Variants in CCDC149 observed in about 807,000 individuals in gnomAD.
The protein encoded by CCDC149 is coiled-coil domain-containing protein 149.
A neutral mutation model predicts 59.9 loss-of-function variants in CCDC149; 45 were observed. The observed-to-expected ratio is 0.75, with a 90% confidence interval of 0.59 to 0.96. The LOEUF (loss-of-function observed/expected upper bound fraction) is 0.96. CCDC149 is among the 40% of genes least tolerant of loss of function. The pLI is 0.00. For synonymous variants in CCDC149, 245 were observed against 260.6 expected (o/e 0.94, Z 0.58); for missense variants, 584 against 664.7 (o/e 0.88, Z 1.33).
rs377716475 is a variant in CCDC149, at chr4:24,921,659, G to A, written c.-64-26541C>T. ...AATGTACCTGCCATCACCCGCCAGC[G>A]CCCACATGTGGGAATGGCAGCCTCT... On this transcript the variant is annotated intron_variant, in intron 1 of 12. Transcript: ENST00000389609. Among the ~76,000 whole-genome samples the A allele has an allele frequency of 8.4e-4, 128 of 152,326 alleles. 1 individual carries two copies. In the South Asian group the frequency reaches 0.02, roughly 23 times the overall value.
At chr4:24,952,595 C>T (rs138023014) in intron 1 of CCDC149, among the ~76,000 whole-genome samples, 460 of 41,356 alleles carry the variant, frequency 0.011, 11 homozygotes, top group East Asian at 0.056. Context: ...AACTCCATCT[C>T]AAAAAAAAAA....
chr4:24,855,205 G>T (rs6812368), intron 3 of CCDC149, among the ~76,000 whole-genome samples: 6,817 of 152,144 alleles, frequency 0.045, 372 homozygotes, highest in East Asian at 0.2. Context: ...CCCTAGGAGA[G>T]ATCAGGAATA....
chr4:24,914,400 A>AG (rs1482642854), upstream of CCDC149, among the ~76,000 whole-genome samples: 1 of 151,910 alleles, frequency 6.6e-6, no homozygotes, highest in South Asian at 2.1e-4. Context: ...AAAAAAAAAA[A>AG]AAAAGAAAAA....
chr4:24,939,765 C>T (rs938867499), intron 1 of CCDC149, among the ~76,000 whole-genome samples: 4 of 152,104 alleles, frequency 2.6e-5, no homozygotes, highest in South Asian at 2.1e-4. Context: ...CCTCAGTAAC[C>T]GATGCGATCA....
At chr4:24,865,638 G>A (rs1004989932) in intron 3 of CCDC149, among the ~76,000 whole-genome samples, 36 of 152,244 alleles carry the variant, frequency 2.4e-4, no homozygotes, top group Non-Finnish European at 7.3e-5. Flanking sequence ...GTGAATGAAT[G>A]CATTTCCAGG....
At chr4:24,910,950 G>T (rs1443078397) in intron 1 of CCDC149, among the ~76,000 whole-genome samples, 1 of 152,148 alleles carries the variant, frequency 6.6e-6, no homozygotes, top group Non-Finnish European at 1.5e-5. Context: ...AAGTAAGTTA[G>T]ACCCATTTTC....
rs146425617 is a variant in CCDC149, at chr4:24,884,776, G to C, written c.64-8079C>G. On this transcript the variant is annotated intron_variant, in intron 1 of 12. Coordinates refer to ENST00000635206, the MANE Select transcript of CCDC149 (RefSeq NM_001330643.2). The stretch of plus-strand genomic sequence containing the variant: ...GGGTTGGTATGAGAATTAAGAGTTA[G>C]TATATGTAAAACATTTAAAACAGTG... Among the ~76,000 whole-genome samples the C allele has an allele frequency of 9.9e-5, 15 of 152,282 alleles. 1 individual carries two copies. The East Asian group carries it at 2.9e-3, about 29-fold the overall frequency.
At chr4:24,957,895 G>A (rs1723513622) in intron 1 of CCDC149, among the ~76,000 whole-genome samples, 1 of 152,198 alleles carries the variant, frequency 6.6e-6, no homozygotes, top group African/African-American at 2.4e-5. Context: ...GGTCTAGGAA[G>A]GATGTGGGTG....
At chr4:24,838,037 T>C (rs1331375643) in intron 5 of CCDC149, 119 bp downstream of exon 5, 3 of 822,472 alleles carry the variant, frequency 3.6e-6, no homozygotes, top group East Asian at 2.4e-5. Context: ...AGTAAAAGCA[T>C]TCAACGTGCA....
chr4:24,931,333 C>A (rs553754431), intron 1 of CCDC149, among the ~76,000 whole-genome samples: 17 of 103,640 alleles, frequency 1.6e-4, no homozygotes, highest in Non-Finnish European at 2.3e-4. Flanking sequence ...ATATATATAT[C>A]TCAGTACAGG....
chr4:24,848,647 A>C (rs980969494), intron 4 of CCDC149, among the ~76,000 whole-genome samples: 13 of 152,192 alleles, frequency 8.5e-5, no homozygotes, highest in Non-Finnish European at 1.2e-4. Flanking sequence ...CAACTTGGAC[A>C]TGCCAAAGAG....
At chr4:24,878,286 C>G (rs1286331523) in intron 1 of CCDC149, among the ~76,000 whole-genome samples, 2 of 149,336 alleles carry the variant, frequency 1.3e-5, no homozygotes, top group African/African-American at 5.0e-5. Flanking sequence ...AAAAGGCATT[C>G]TGAGACGGAT....
chr4:24,810,744 T>G (rs1714547945), intron 12 of CCDC149, among the ~76,000 whole-genome samples: 2 of 152,180 alleles, frequency 1.3e-5, no homozygotes, highest in Non-Finnish European at 2.9e-5. Context: ...TATTAAACGA[T>G]TCACACCATC....
At chr4:24,873,839 C>T (rs1171105560) in intron 2 of CCDC149, 120 bp from the exon 3 acceptor site, 1 of 695,228 alleles carries the variant, frequency 1.4e-6, no homozygotes, top group Non-Finnish European at 2.5e-6. Context: ...CACCCTGCAG[C>T]CAGTAATGTG....
intron 3 of CCDC149, among the ~76,000 whole-genome samples, chr4:24,871,743 AT>A (rs1160490852): frequency 1.3e-5 from 2 of 152,194 alleles, no homozygotes; most frequent in East Asian, 3.8e-4. Context: ...CAGAAACTTA[AT>A]GCCATTTTAA....
intron 3 of CCDC149, among the ~76,000 whole-genome samples, chr4:24,870,611 T>C (rs939831748): frequency 2.6e-5 from 4 of 152,242 alleles, no homozygotes; most frequent in Admixed American, 2.6e-4. Flanking sequence ...GCTGTAAGAA[T>C]GCAGCTTAAC....
At chr4:24,805,363 G>A (rs1714098006), downstream of CCDC149, among the ~76,000 whole-genome samples, 1 of 152,196 alleles carries the variant, frequency 6.6e-6, no homozygotes, top group South Asian at 2.1e-4. Context: ...GGGGGGATGA[G>A]ATGGCTTTTT....
intron 1 of CCDC149, among the ~76,000 whole-genome samples, chr4:24,954,659 T>G (rs1432101985): frequency 1.3e-5 from 2 of 152,150 alleles, no homozygotes; most frequent in African/African-American, 4.8e-5. Context: ...GAGCAGAGAT[T>G]CAAGATGGCC....
intron 12 of CCDC149, among the ~76,000 whole-genome samples, chr4:24,809,686 A>T (rs1416233450): frequency 1.3e-5 from 2 of 152,212 alleles, no homozygotes; most frequent in African/African-American, 4.8e-5. Context: ...AACAGTGAAG[A>T]AAGGTATGAC....
Sources: allele counts gnomAD v4.1 joint callset (sites outside exome capture counted in the v4.1 genomes callset), GRCh38; gene constraint gnomAD v4.1.1; transcripts MANE v1.5; gene names NCBI Gene and HGNC (gene_info 2026-07-23, HGNC 2026-07-21).